The following PGM1 variants were observed in gnomAD, a reference collection of about 807,000 sequenced individuals.
PGM1 encodes phosphoglucomutase 1.
A neutral mutation model predicts 55.6 loss-of-function variants in PGM1; 52 were observed. The ratio of observed to expected loss-of-function variants is 0.94; its 90% confidence interval spans 0.75 to 1.18. The LOEUF is 1.18. Among genes scored for constraint, PGM1 ranks in the 50% most tolerant of loss-of-function variants. The pLI, the probability that PGM1 is intolerant of heterozygous loss-of-function variation, is 0.00. For missense variants in PGM1, 724 were observed against 729.3 expected (o/e 0.99, Z 0.08); for synonymous variants, 287 against 271.7 (o/e 1.06, Z -0.55).
intron 1 of PGM1, among the ~76,000 whole-genome samples, chr1:63,600,664 T>G (rs899622224): frequency 6.6e-6 from 1 of 152,156 alleles, no homozygotes; most frequent in Non-Finnish European, 1.5e-5. Flanking sequence ...ATAAACCTCA[T>G]GAGAGCAGAG....
chr1:63,599,617 C>G (rs1648178321), intron 1 of PGM1, among the ~76,000 whole-genome samples: 1 of 151,978 alleles, frequency 6.6e-6, no homozygotes, highest in South Asian at 2.1e-4. Context: ...GGTGAAACCC[C>G]TTGTCTACAA....
chr1:63,641,446 G>C (rs1649515064), intron 7 of PGM1, among the ~76,000 whole-genome samples: 1 of 152,158 alleles, frequency 6.6e-6, no homozygotes, highest in South Asian at 2.1e-4. Context: ...TTAATTTTTA[G>C]CAACCACGCC....
rs550249935 is a variant in PGM1 at position 63,619,740 on chromosome 1, C to T, written c.247-9685C>T. ...CCTGTCACTGCAACCTCTTCAGAGC[C>T]GCAGCTCTGTAAACACACCTTCAGG... On this transcript the variant is annotated intron_variant, in intron 1 of 10. Transcript: ENST00000371084. Among the ~76,000 whole-genome samples the T allele has an allele frequency of 2.9e-3, 437 of 152,288 alleles. 2 individuals carry two copies. The highest frequency in any genetic ancestry group is 0.018 in the South Asian group (89 of 4,826).
chr1:63,603,304 A>ATATT (rs1648294400), intron 1 of PGM1, among the ~76,000 whole-genome samples: 1 of 152,236 alleles, frequency 6.6e-6, no homozygotes, highest in Non-Finnish European at 1.5e-5. Flanking sequence ...CATGTTCCAA[A>ATATT]TACCAGGTTC....
At chr1:63,600,270 A>T (rs1223094706) in intron 1 of PGM1, 1 of 152,210 alleles carries the variant, frequency 6.6e-6, no homozygotes, top group African/African-American at 2.4e-5. Flanking sequence ...CTCTTGGTGA[A>T]ACATCTTTTT....
At chr1:63,604,687 T>C (rs1293335456) in intron 1 of PGM1, among the ~76,000 whole-genome samples, 1 of 152,184 alleles carries the variant, frequency 6.6e-6, no homozygotes, top group Non-Finnish European at 1.5e-5. Context: ...TCTTTGGCCA[T>C]GAAGACAGCC....
chr1:63,613,815 T>C (rs184027655), intron 1 of PGM1, among the ~76,000 whole-genome samples: 5 of 151,270 alleles, frequency 3.3e-5, no homozygotes, highest in African/African-American at 1.2e-4. Flanking sequence ...AAAGCACATA[T>C]ACTTTGCACT....
chr1:63,631,581 AAT>A, intron 3 of PGM1, 74 bp from the exon 4 acceptor site: 1 of 1,389,760 alleles, frequency 7.2e-7, no homozygotes, highest in Non-Finnish European at 1.0e-6. Flanking sequence ...GGTTTACAGC[AAT>A]ATAGTCACAT....
At chr1:63,611,118 G>A (rs915393229) in intron 1 of PGM1, among the ~76,000 whole-genome samples, 1 of 152,136 alleles carries the variant, frequency 6.6e-6, no homozygotes, top group Admixed American at 6.5e-5. Flanking sequence ...TGCATAAAAC[G>A]GTCTCCGCAA....
intron 2 of PGM1, 113 bp from the exon 3 acceptor site, chr1:63,629,821 TTTGCTGAC>T: frequency 8.1e-7 from 1 of 1,237,608 alleles, no homozygotes; most frequent in South Asian, 1.2e-5. Flanking sequence ...ATCCTGCTAC[TTTGCTGAC>T]TGAATGATGA....
intron 1 of PGM1, among the ~76,000 whole-genome samples, chr1:63,604,917 CTGTGTGTGTGTGTGT>C (rs1183417580): frequency 2.5e-5 from 3 of 118,786 alleles, no homozygotes; most frequent in South Asian, 3.0e-4. Flanking sequence ...TTACATAACT[CTGTGTGTGTGTGTGT>C]GTGTGTGTGT....
chr1:63,620,727 A>G (rs1224801355), intron 1 of PGM1, among the ~76,000 whole-genome samples: 1 of 152,244 alleles, frequency 6.6e-6, no homozygotes. Context: ...GAAGGGGTTC[A>G]TAACTCTGCC....
At chr1:63,604,949 G>A (rs1648373402) in intron 1 of PGM1, among the ~76,000 whole-genome samples, 1 of 140,482 alleles carries the variant, frequency 7.1e-6, no homozygotes, top group African/African-American at 3.0e-5. Flanking sequence ...GTGTGTGTGT[G>A]TGTGTGTGTG....
At chr1:63,606,694 A>G (rs571506065) in intron 1 of PGM1, among the ~76,000 whole-genome samples, 1 of 152,242 alleles carries the variant, frequency 6.6e-6, no homozygotes, top group Non-Finnish European at 1.5e-5. Flanking sequence ...TCATCTGTCA[A>G]GCTAAACATT....
At chr1:63,631,586 A>G in intron 3 of PGM1, 71 bp from the exon 4 acceptor site, 1 of 1,430,124 alleles carries the variant, frequency 7.0e-7, no homozygotes, top group South Asian at 1.1e-5. Flanking sequence ...ACAGCAATAT[A>G]GTCACATCAG....
intron 1 of PGM1, among the ~76,000 whole-genome samples, chr1:63,601,617 G>A (rs2269269): frequency 0.14 from 20,706 of 152,154 alleles, 1,550 homozygotes; most frequent in Middle Eastern, 0.25. Flanking sequence ...ATGGCTAGCC[G>A]AGGGCTTCAG....
chr1:63,636,069 T>C (rs1023723196), intron 5 of PGM1, among the ~76,000 whole-genome samples, 165 bp from the exon 6 acceptor site: 9 of 152,232 alleles, frequency 5.9e-5, no homozygotes, highest in Non-Finnish European at 1.0e-4. Flanking sequence ...CCAATGGTAC[T>C]GTATAAACTC....
At chr1:63,632,777 C>T (rs1355185655) in intron 4 of PGM1, among the ~76,000 whole-genome samples, 1 of 152,176 alleles carries the variant, frequency 6.6e-6, no homozygotes, top group African/African-American at 2.4e-5. Flanking sequence ...CTTTGAGAGG[C>T]CAAGGCAGGT....
intron 7 of PGM1, among the ~76,000 whole-genome samples, chr1:63,640,181 C>T (rs1649478485): frequency 6.6e-6 from 1 of 152,218 alleles, no homozygotes; most frequent in South Asian, 2.1e-4. Context: ...TGGCTTCAGT[C>T]ATTCTTTATG....
Sources: allele counts gnomAD v4.1 joint callset (sites outside exome capture counted in the v4.1 genomes callset), GRCh38; gene constraint gnomAD v4.1.1; transcripts MANE v1.5; gene names NCBI Gene and HGNC (gene_info 2026-07-23, HGNC 2026-07-21).